BABAM2: variants seen among roughly 807,000 people sequenced by gnomAD.
The protein encoded by BABAM2 is BRISC and BRCA1 A complex member 2.
A neutral mutation model predicts 54.7 loss-of-function variants in BABAM2; 31 were observed. That is an observed-to-expected ratio of 0.57 (90% CI 0.43 to 0.77). BABAM2 has a LOEUF of 0.77. Among genes scored for constraint, BABAM2 ranks in the 30% least tolerant of loss-of-function variants. The pLI, the probability that BABAM2 is intolerant of heterozygous loss-of-function variation, is 0.00. For synonymous variants in BABAM2, 167 were observed against 162.9 expected (o/e 1.03, Z -0.19); for missense variants, 364 against 455.8 (o/e 0.80, Z 1.83).
chr2:28,295,472 A>G (rs2148233469), intron 10 of BABAM2, among the ~76,000 whole-genome samples: 1 of 152,192 alleles, frequency 6.6e-6, no homozygotes, highest in Middle Eastern at 3.4e-3. Flanking sequence ...ATAGTATAAA[A>G]CAACTGAAGT....
At chr2:28,059,744 A>G (rs1342008561) in intron 6 of BABAM2, among the ~76,000 whole-genome samples, 1 of 152,132 alleles carries the variant, frequency 6.6e-6, no homozygotes, top group Non-Finnish European at 1.5e-5. Context: ...TGGTGTCATC[A>G]CTCTGATAGC....
chr2:28,083,115 C>G (rs1037200017), intron 6 of BABAM2, among the ~76,000 whole-genome samples: 1 of 152,164 alleles, frequency 6.6e-6, no homozygotes, highest in Admixed American at 6.6e-5. Context: ...CCCACCTTTC[C>G]TTTTTGCTGC....
intron 10 of BABAM2, among the ~76,000 whole-genome samples, chr2:28,282,620 G>T (rs1477922866): frequency 6.6e-6 from 1 of 152,162 alleles, no homozygotes; most frequent in Non-Finnish European, 1.5e-5. Flanking sequence ...GTAGAAAGGG[G>T]CGAGGGGGAA....
upstream of BABAM2, chr2:27,890,567 T>C (rs538064099): frequency 3.8e-6 from 2 of 525,126 alleles, no homozygotes; most frequent in Non-Finnish European, 3.4e-6. This position sits in a 1 kb window ranked among gnomAD's most constrained non-coding sequence, Gnocchi z 4.8. Flanking sequence ...CCTCCTGATA[T>C]GGCGAGACTC....
intron 6 of BABAM2, among the ~76,000 whole-genome samples, chr2:28,085,694 T>G (rs1396545384): frequency 1.3e-5 from 2 of 152,190 alleles, no homozygotes; most frequent in South Asian, 2.1e-4. Flanking sequence ...TTGATTCTTC[T>G]TGTTGTGCTA....
At chr2:28,030,199 G>A (rs904573997) in intron 5 of BABAM2, among the ~76,000 whole-genome samples, 12 of 152,108 alleles carry the variant, frequency 7.9e-5, no homozygotes, top group Non-Finnish European at 1.6e-4. Flanking sequence ...TACTTGAGTT[G>A]TAGTTCATCT....
chr2:28,040,337 G>A (rs1181609628), intron 5 of BABAM2, among the ~76,000 whole-genome samples: 15 of 84,630 alleles, frequency 1.8e-4, no homozygotes, highest in African/African-American at 6.5e-4. Flanking sequence ...GTCTCGCTCT[G>A]TCGCCCAGGC....
chr2:28,157,061 G>T (rs1213485267), intron 7 of BABAM2, among the ~76,000 whole-genome samples: 3 of 152,164 alleles, frequency 2.0e-5, no homozygotes, highest in African/African-American at 7.2e-5. Flanking sequence ...TTTATTTACA[G>T]AAAACTGTAA....
At chr2:27,894,748 C>T (rs780669747) in intron 2 of BABAM2, 64 bp downstream of exon 2, 33 of 1,580,242 alleles carry the variant, frequency 2.1e-5, no homozygotes, top group Non-Finnish European at 2.9e-5. Flanking sequence ...TAATGACAGC[C>T]CTTCCTTACC....
intron 2 of BABAM2, among the ~76,000 whole-genome samples, chr2:27,905,939 G>A (rs901911107): frequency 1.3e-5 from 2 of 152,238 alleles, no homozygotes; most frequent in African/African-American, 2.4e-5. Context: ...TGGGCATGAA[G>A]ATGCCAGCTG....
chr2:27,895,794 C>T (rs1665250914), intron 2 of BABAM2, among the ~76,000 whole-genome samples: 1 of 152,126 alleles, frequency 6.6e-6, no homozygotes, highest in South Asian at 2.1e-4. Context: ...CATTCCTCCC[C>T]GTTTATTAAT....
chr2:28,204,818 T>C (rs903933239), intron 7 of BABAM2, among the ~76,000 whole-genome samples: 2 of 152,132 alleles, frequency 1.3e-5, no homozygotes, highest in African/African-American at 4.8e-5. Flanking sequence ...ATTCACCAAA[T>C]CCCATTTCAT....
intron 3 of BABAM2, among the ~76,000 whole-genome samples, chr2:27,978,016 C>T (rs1671721121): frequency 6.6e-6 from 1 of 152,170 alleles, no homozygotes; most frequent in Non-Finnish European, 1.5e-5. Flanking sequence ...AAATGAGTCA[C>T]CTCTTCAAAG....
chr2:28,283,495 A>G (rs185444338), intron 10 of BABAM2, among the ~76,000 whole-genome samples: 1 of 152,340 alleles, frequency 6.6e-6, no homozygotes, highest in Admixed American at 6.5e-5. Context: ...CTCGCCTTCT[A>G]GTAAACTTGG....
intron 6 of BABAM2, among the ~76,000 whole-genome samples, chr2:28,046,229 C>A (rs948870577): frequency 6.6e-6 from 1 of 152,056 alleles, no homozygotes; most frequent in Non-Finnish European, 1.5e-5. Context: ...CTGAAGTGGG[C>A]AGATCACCTG....
At chr2:28,014,472 A>G (rs1001889657) in intron 4 of BABAM2, among the ~76,000 whole-genome samples, 2 of 152,224 alleles carry the variant, frequency 1.3e-5, no homozygotes, top group African/African-American at 4.8e-5. Context: ...TCCTAAGTAA[A>G]TGTGAGGACT....
At chr2:28,190,870 G>C (rs1281974811) in intron 7 of BABAM2, among the ~76,000 whole-genome samples, 1 of 152,104 alleles carries the variant, frequency 6.6e-6, no homozygotes, top group East Asian at 1.9e-4. Context: ...AGAGAACATA[G>C]GAAAATAATC....
At chr2:27,970,663 G>A (rs1212275397) in intron 3 of BABAM2, among the ~76,000 whole-genome samples, 1 of 152,066 alleles carries the variant, frequency 6.6e-6, no homozygotes, top group Non-Finnish European at 1.5e-5. Context: ...CATCTTATGT[G>A]TGGTCCATAT....
Position 28,039,525 on chromosome 2 carries a change from T to G in BABAM2, c.496-6200T>G, listed in dbSNP as rs1676910689. ...CCAGTTTGTCACCCAGCTAAAGTTA[T>G]AATCACTTGAGTGTTTCTTAGCTTT... On this transcript the variant is annotated intron_variant, in intron 5 of 11. Coordinates refer to ENST00000379624, the MANE Select transcript of BABAM2 (RefSeq NM_199191.3). Among the ~76,000 whole-genome samples, 3 of 152,262 alleles carry G rather than the reference T, an allele frequency of 2.0e-5. No homozygotes were observed. The South Asian group carries it at 6.2e-4, about 31-fold the overall frequency.
Sources: gnomAD v4.1 joint callset for allele counts (sites outside exome capture counted in the v4.1 genomes callset) on GRCh38, gnomAD v4.1.1 for gene constraint, Gnocchi (gnomAD v3.1) non-coding constraint, MANE v1.5 for transcripts, NCBI Gene and HGNC (gene_info 2026-07-23, HGNC 2026-07-21) for gene names.